KCNQ5: variants seen among roughly 807,000 people sequenced by gnomAD.
The protein encoded by KCNQ5 is potassium voltage-gated channel subfamily KQT member 5.
Under a neutral mutation model 98.2 loss-of-function variants are expected in KCNQ5, and 30 were observed. That is an observed-to-expected ratio of 0.31 (90% CI 0.23 to 0.41). The LOEUF (loss-of-function observed/expected upper bound fraction) is 0.41, where lower values mean the gene tolerates loss of function less well. Among genes scored for constraint, KCNQ5 ranks in the 10% least tolerant of loss-of-function variants. The pLI, the probability that KCNQ5 is intolerant of heterozygous loss-of-function variation, is 1.00. For missense variants in KCNQ5, 835 were observed against 1,182.5 expected (o/e 0.71, Z 4.31); for synonymous variants, 458 against 449.4 (o/e 1.02, Z -0.24).
intron 1 of KCNQ5, among the ~76,000 whole-genome samples, chr6:72,853,980 C>T (rs1295212809): frequency 6.6e-6 from 1 of 152,046 alleles, no homozygotes; most frequent in Non-Finnish European, 1.5e-5. Context: ...ATAAATATGC[C>T]ATTTTTTGTA....
At chr6:73,005,797 A>G (rs1015400575) in intron 2 of KCNQ5, among the ~76,000 whole-genome samples, 1 of 152,220 alleles carries the variant, frequency 6.6e-6, no homozygotes, top group African/African-American at 2.4e-5. Flanking sequence ...AGTGCTACAG[A>G]TATATATTCG....
intron 7 of KCNQ5, among the ~76,000 whole-genome samples, chr6:73,116,008 T>G (rs1775474865): frequency 6.6e-6 from 1 of 152,202 alleles, no homozygotes; most frequent in African/African-American, 2.4e-5. Context: ...ATGATGCATT[T>G]GACCAGAGGA....
At chr6:73,085,605 G>T (rs1424776531) in intron 5 of KCNQ5, among the ~76,000 whole-genome samples, 1 of 151,796 alleles carries the variant, frequency 6.6e-6, no homozygotes, top group African/African-American at 2.4e-5. Context: ...AAGTGGGCAG[G>T]GTCTTTGCTC....
intron 10 of KCNQ5, among the ~76,000 whole-genome samples, chr6:73,148,084 G>T (rs1381663057): frequency 6.6e-6 from 1 of 151,996 alleles, no homozygotes; most frequent in Non-Finnish European, 1.5e-5. Context: ...CACCTTATGG[G>T]CAGTTACTAG....
At chr6:72,798,277 G>A (rs1455044066) in intron 1 of KCNQ5, among the ~76,000 whole-genome samples, 6 of 152,128 alleles carry the variant, frequency 3.9e-5, no homozygotes, top group South Asian at 4.1e-4. Context: ...TTTTAAGCTG[G>A]TATTATGGTT....
At chr6:72,626,150 C>T (rs1400738352) in intron 1 of KCNQ5, among the ~76,000 whole-genome samples, 1 of 152,196 alleles carries the variant, frequency 6.6e-6, no homozygotes, top group East Asian at 1.9e-4. Flanking sequence ...CTACTACAAG[C>T]CTGTGAACAA....
intron 3 of KCNQ5, among the ~76,000 whole-genome samples, chr6:73,074,193 T>C (rs1582304099): frequency 6.6e-6 from 1 of 152,194 alleles, no homozygotes; most frequent in Non-Finnish European, 1.5e-5. Context: ...GGAACCACCA[T>C]TCTATGAAAT....
intron 3 of KCNQ5, among the ~76,000 whole-genome samples, chr6:73,064,424 A>G (rs1295433266): frequency 1.3e-5 from 2 of 152,188 alleles, no homozygotes; most frequent in African/African-American, 4.8e-5. Flanking sequence ...TATTCAAGCT[A>G]TGACCTTGAA....
Position 73,090,552 on chromosome 6 carries a change from T to C in KCNQ5, c.918+12665T>C, listed in dbSNP as rs1397923305. ...AGTGTTTATAGTTTCAGGCTCTATATTTAAGTCCTTAATCCACCTTCAGTT... is the reference window on the plus strand; with the variant it reads ...AGTGTTTATAGTTTCAGGCTCTATACTTAAGTCCTTAATCCACCTTCAGTT... On this transcript the variant is annotated intron_variant, in intron 5 of 13. Coordinates refer to ENST00000370398, the MANE Select transcript of KCNQ5 (RefSeq NM_019842.4). 2.0e-5 allele frequency among the ~76,000 whole-genome samples: 3 copies of C among 152,356 alleles called. No homozygotes were observed. In the East Asian group the frequency reaches 5.8e-4, roughly 29 times the overall value.
In KCNQ5 at chr6:72,916,239, G is replaced by A. The variant is rs980317854; in HGVS notation, c.399-87669G>A. Among the ~76,000 whole-genome samples the A allele has an allele frequency of 5.9e-5, 9 of 152,232 alleles. No homozygotes were observed. In the East Asian group the frequency reaches 1.5e-3, roughly 26 times the overall value. ...CCACTTTATTATTTATACAGGTTTA[G>A]TAATAGGTATTAATTCCTAATACAA... On this transcript the variant is annotated intron_variant, in intron 1 of 13. Coordinates refer to ENST00000370398, the MANE Select transcript of KCNQ5 (RefSeq NM_019842.4).
At chr6:73,125,885 G>GA (rs772605656) in intron 9 of KCNQ5, among the ~76,000 whole-genome samples, 15 of 151,886 alleles carry the variant, frequency 9.9e-5, no homozygotes, top group Non-Finnish European at 1.2e-4. Context: ...GATATTTCCA[G>GA]AAAAAAGTCA....
intron 5 of KCNQ5, among the ~76,000 whole-genome samples, chr6:73,088,535 C>G (rs1044092459): frequency 5.3e-5 from 8 of 152,068 alleles, no homozygotes; most frequent in Non-Finnish European, 8.8e-5. Flanking sequence ...GTCCCTGGAC[C>G]CTTTCTGTGT....
intron 6 of KCNQ5, among the ~76,000 whole-genome samples, chr6:73,107,880 A>G (rs1413903849): frequency 6.6e-6 from 1 of 152,226 alleles, no homozygotes; most frequent in Non-Finnish European, 1.5e-5. Flanking sequence ...CTGAGTCCTT[A>G]TTTATTAAAT....
rs539569321 is a variant in KCNQ5 at position 72,627,916 on chromosome 6, C to T, written c.398+5329C>T. On this transcript the variant is annotated intron_variant, in intron 1 of 13. Transcript: ENST00000370398. ...CTTGGGCATATTTCCAAACAGTTCCCTTCCCTCTGCCAGGATGAGTTAGGT... is the reference window on the plus strand; with the variant it reads ...CTTGGGCATATTTCCAAACAGTTCCTTTCCCTCTGCCAGGATGAGTTAGGT... Among the ~76,000 whole-genome samples, 3 of 152,272 alleles carry T rather than the reference C, an allele frequency of 2.0e-5. No homozygotes were observed. The South Asian group carries it at 6.2e-4, about 32-fold the overall frequency.
At position 72,880,397 on chromosome 6, in the gene KCNQ5, A is replaced by T. The variant is rs181942657; in HGVS notation, c.399-123511A>T. Among the ~76,000 whole-genome samples, 29 of 152,280 alleles carry T rather than the reference A, an allele frequency of 1.9e-4. 1 individual carries two copies. The East Asian group carries it at 5.6e-3, about 30-fold the overall frequency. On this transcript the variant is annotated intron_variant, in intron 1 of 13. Transcript: ENST00000370398. Reference sequence around the variant, plus strand: ...CTCCTTATGCCTGTTTTATAAGAGCACTAGTCCCATTCATGAGGCTTGACC... The same window carrying T: ...CTCCTTATGCCTGTTTTATAAGAGCTCTAGTCCCATTCATGAGGCTTGACC...
At chr6:72,773,071 G>T (rs1772980625) in intron 1 of KCNQ5, among the ~76,000 whole-genome samples, 1 of 152,106 alleles carries the variant, frequency 6.6e-6, no homozygotes, top group Non-Finnish European at 1.5e-5. Flanking sequence ...ATAAACAAAA[G>T]GATCTAGAAC....
Position 72,842,638 on chromosome 6 carries a change from C to T in KCNQ5, c.399-161270C>T, listed in dbSNP as rs908169778. Among the ~76,000 whole-genome samples, 12 of 152,324 alleles carry T rather than the reference C, an allele frequency of 7.9e-5. No homozygotes were observed. In the South Asian group the frequency reaches 2.5e-3, roughly 32 times the overall value. ...GTGTTTCTATTTCTCCACATCCTCT[C>T]CAGCATCTGTTGTTTCCTGACTTTT... On this transcript the variant is annotated intron_variant, in intron 1 of 13. Coordinates refer to ENST00000370398, the MANE Select transcript of KCNQ5 (RefSeq NM_019842.4).
chr6:73,193,496 A>AAAT (rs923579391), intron 13 of KCNQ5, among the ~76,000 whole-genome samples: 1 of 148,924 alleles, frequency 6.7e-6, no homozygotes, highest in African/African-American at 2.4e-5. Flanking sequence ...AAATAAAATA[A>AAAT]AATAAAATAA....
chr6:72,772,263 A>G (rs1194773373), intron 1 of KCNQ5, among the ~76,000 whole-genome samples: 4 of 152,160 alleles, frequency 2.6e-5, no homozygotes, highest in Admixed American at 1.3e-4. Context: ...CAAAATTTCA[A>G]TGTAGACCTG....
Sources: gnomAD v4.1 joint callset for allele counts (sites outside exome capture counted in the v4.1 genomes callset) on GRCh38, gnomAD v4.1.1 for gene constraint, MANE v1.5 for transcripts, NCBI Gene and HGNC (gene_info 2026-07-23, HGNC 2026-07-21) for gene names.